The following TMCC3 variants were observed in gnomAD, a reference collection of about 807,000 sequenced individuals.
TMCC3 encodes transmembrane and coiled-coil domain family 3.
A neutral mutation model predicts 40.2 loss-of-function variants in TMCC3; 28 were observed. The ratio of observed to expected loss-of-function variants is 0.70; its 90% confidence interval spans 0.52 to 0.95. The LOEUF (loss-of-function observed/expected upper bound fraction) is 0.95, where lower values mean the gene tolerates loss of function less well. TMCC3 is among the 40% of genes least tolerant of loss of function. TMCC3 has a pLI of 0.00. For synonymous variants in TMCC3, 255 were observed against 248.5 expected, an observed-to-expected ratio of 1.03 and a Z score of -0.25; for missense variants, 554 against 615.2, an observed-to-expected ratio of 0.90 and a Z score of 1.05.
intron 1 of TMCC3, among the ~76,000 whole-genome samples, chr12:94,640,116 T>C (rs2068981651): frequency 6.6e-6 from 1 of 152,232 alleles, no homozygotes; most frequent in African/African-American, 2.4e-5. Context: ...ATTCAGTTGA[T>C]TCAGTCCAGG....
chr12:94,621,798 A>C (rs904132121), intron 1 of TMCC3, among the ~76,000 whole-genome samples: 4 of 152,164 alleles, frequency 2.6e-5, no homozygotes, highest in African/African-American at 4.8e-5. Context: ...TAATCATGAG[A>C]GCCCCAGTAT....
chr12:94,629,820 G>A (rs1401699341), intron 1 of TMCC3, among the ~76,000 whole-genome samples: 1 of 152,176 alleles, frequency 6.6e-6, no homozygotes, highest in Non-Finnish European at 1.5e-5. Flanking sequence ...CTTCTTTTCA[G>A]GACAAAGGCT....
intron 1 of TMCC3, among the ~76,000 whole-genome samples, chr12:94,610,694 T>C (rs1481247063): frequency 6.6e-6 from 1 of 152,236 alleles, no homozygotes; most frequent in Non-Finnish European, 1.5e-5. Flanking sequence ...GAAACGGATC[T>C]GAATGGGCTA....
At chr12:94,572,860 T>G (rs2068541032) in intron 3 of TMCC3, among the ~76,000 whole-genome samples, 1 of 152,026 alleles carries the variant, frequency 6.6e-6, no homozygotes, top group Non-Finnish European at 1.5e-5. Context: ...GGGGCAACTG[T>G]GCTTTCACCT....
intron 1 of TMCC3, among the ~76,000 whole-genome samples, chr12:94,607,568 C>A (rs2625932): frequency 3.3e-5 from 5 of 152,024 alleles, no homozygotes; most frequent in African/African-American, 1.2e-4. Context: ...TCTCTCCATT[C>A]GGGGTCCCTG....
chr12:94,644,106 T>A (rs2069005245), intron 1 of TMCC3, among the ~76,000 whole-genome samples: 1 of 152,192 alleles, frequency 6.6e-6, no homozygotes. Flanking sequence ...AGAGGAATAA[T>A]CCACAAATAT....
chr12:94,630,232 G>T (rs2068925237), intron 1 of TMCC3, among the ~76,000 whole-genome samples: 1 of 147,902 alleles, frequency 6.8e-6, no homozygotes, highest in African/African-American at 2.5e-5. Context: ...TCCAGCCTGG[G>T]TGATAGAGAG....
chr12:94,627,003 G>A (rs1262878448), intron 1 of TMCC3, among the ~76,000 whole-genome samples: 1 of 152,006 alleles, frequency 6.6e-6, no homozygotes, highest in Non-Finnish European at 1.5e-5. Context: ...TGGGACTAAA[G>A]GTGTGCACTA....
intron 3 of TMCC3, among the ~76,000 whole-genome samples, chr12:94,577,867 C>G (rs1006420545): frequency 6.6e-6 from 1 of 151,992 alleles, no homozygotes; most frequent in African/African-American, 2.4e-5. Flanking sequence ...TGTCTCTTAG[C>G]CAGGCACGGT....
intron 1 of TMCC3, among the ~76,000 whole-genome samples, chr12:94,619,429 C>A (rs540777881): frequency 6.6e-6 from 1 of 152,324 alleles, no homozygotes; most frequent in Non-Finnish European, 1.5e-5. Flanking sequence ...TCTCTCTGAA[C>A]TCTTTAAACA....
intron 1 of TMCC3, among the ~76,000 whole-genome samples, chr12:94,600,667 T>C (rs1283760582): frequency 6.6e-6 from 1 of 152,184 alleles, no homozygotes. Flanking sequence ...ACTTACACCA[T>C]TCCCTTCCGG....
chr12:94,620,103 C>T (rs528177762), intron 1 of TMCC3, among the ~76,000 whole-genome samples: 38 of 151,656 alleles, frequency 2.5e-4, no homozygotes, highest in Admixed American at 9.9e-4. Flanking sequence ...GCGGAGGTTG[C>T]GGCGAGCCAA....
intron 1 of TMCC3, among the ~76,000 whole-genome samples, chr12:94,633,115 GAAAGAAAAGA>G (rs142623851): frequency 6.6e-6 from 1 of 151,888 alleles, no homozygotes; most frequent in East Asian, 1.9e-4. Context: ...AAAAAGAAAA[GAAAGAAAAGA>G]AAAGAAAAGA....
At chr12:94,592,282 T>A (rs1337003990) in intron 1 of TMCC3, among the ~76,000 whole-genome samples, 1 of 152,078 alleles carries the variant, frequency 6.6e-6, no homozygotes, top group East Asian at 1.9e-4. Context: ...AAAGGTTTTA[T>A]TCCTCGCATC....
chr12:94,631,039 G>A (rs1033792234), intron 1 of TMCC3, among the ~76,000 whole-genome samples: 10 of 152,274 alleles, frequency 6.6e-5, no homozygotes, highest in East Asian at 5.8e-4. Flanking sequence ...CACGGTGCCC[G>A]GCATAAATGT....
chr12:94,602,465 C>T (rs961700402), intron 1 of TMCC3, among the ~76,000 whole-genome samples: 1 of 152,168 alleles, frequency 6.6e-6, no homozygotes, highest in Non-Finnish European at 1.5e-5. Context: ...CCTTCCTTTT[C>T]CTTTAAGAAT....
intron 1 of TMCC3, among the ~76,000 whole-genome samples, chr12:94,606,402 T>C (rs1362849453): frequency 6.7e-6 from 1 of 150,030 alleles, no homozygotes; most frequent in Non-Finnish European, 1.5e-5. Context: ...AATCTCGCTC[T>C]GTCACCCAGG....
At position 94,650,479 on chromosome 12, in the gene TMCC3, G is replaced by A; in HGVS notation, c.-49C>T. ...TCCCGTCTTCTGGGGCTGCCGCGCC[G>A]CGAGCCACCGGCTGTGCTCGGGATC... On this transcript the variant is annotated 5_prime_UTR_variant, in exon 1 of 4. Coordinates refer to ENST00000261226, the MANE Select transcript of TMCC3 (RefSeq NM_020698.4). 2 of 1,228,492 alleles carry A rather than the reference G, an allele frequency of 1.6e-6. No homozygotes were observed. The highest frequency in any genetic ancestry group is 2.0e-6 in the Non-Finnish European group (2 of 979,408). 76.1% of individuals were successfully genotyped at this position (1,228,492 alleles called of 1,614,324 possible).
At chr12:94,590,254 C>G (rs1459575129) in intron 1 of TMCC3, among the ~76,000 whole-genome samples, 2 of 133,274 alleles carry the variant, frequency 1.5e-5, no homozygotes, top group African/African-American at 6.4e-5. Context: ...CCACCACGCC[C>G]TGCTAATTTT....
Sources: allele counts gnomAD v4.1 joint callset (sites outside exome capture counted in the v4.1 genomes callset), GRCh38; gene constraint gnomAD v4.1.1; transcripts MANE v1.5; gene names NCBI Gene and HGNC (gene_info 2026-07-23, HGNC 2026-07-21).